The following ST6GAL1 variants were observed in gnomAD, a reference collection of about 807,000 sequenced individuals.
ST6GAL1 encodes beta-galactoside alpha-2,6-sialyltransferase 1.
ST6GAL1 carries 20 observed loss-of-function variants against 38.0 expected under a neutral mutation model. The observed-to-expected ratio is 0.53, with a 90% CI of 0.37 to 0.77. The LOEUF (loss-of-function observed/expected upper bound fraction) is 0.77. Ranked by LOEUF, ST6GAL1 falls within the 30% of genes least tolerant of loss-of-function variation. ST6GAL1 has a pLI of 0.00. For missense variants in ST6GAL1, 432 were observed against 496.4 expected (o/e 0.87, Z 1.23); for synonymous variants, 196 against 188.2 (o/e 1.04, Z -0.34).
chr3:187,005,800 A>G (rs1293804000), intron 2 of ST6GAL1, among the ~76,000 whole-genome samples: 1 of 152,156 alleles, frequency 6.6e-6, no homozygotes, highest in Non-Finnish European at 1.5e-5. Flanking sequence ...AAAATAATTG[A>G]TTACTGTCAA....
In ST6GAL1 at chr3:186,981,888, C is replaced by G. The variant is rs529586172; in HGVS notation, c.-183+17962C>G. ...CTTGAATACCTCCTTTACTAAGACCCATGATTATCTGGGAGTTAGAATCCA... is the reference window on the plus strand; with the variant it reads ...CTTGAATACCTCCTTTACTAAGACCGATGATTATCTGGGAGTTAGAATCCA... On this transcript the variant is annotated intron_variant, in intron 2 of 7. Coordinates refer to ENST00000169298, the MANE Select transcript of ST6GAL1 (RefSeq NM_173216.2). Among the ~76,000 whole-genome samples the G allele has an allele frequency of 3.3e-4, 50 of 152,308 alleles. No individual in the cohort carries two copies. In the South Asian group the frequency reaches 0.01, roughly 32 times the overall value.
In ST6GAL1 at chr3:187,077,124, T is replaced by G; in HGVS notation, c.*1321T>G. On this transcript the variant is annotated 3_prime_UTR_variant, in exon 8 of 8. Transcript: ENST00000169298. ...CTCTCAGAGGTCAGAACCTTGGAGATCAGAACTGATTCTCACCAGGTGTGA... is the reference window on the plus strand; with the variant it reads ...CTCTCAGAGGTCAGAACCTTGGAGAGCAGAACTGATTCTCACCAGGTGTGA... 2 of 397,826 alleles carry G rather than the reference T, an allele frequency of 5.0e-6. No individual in the cohort carries two copies. The highest frequency in any genetic ancestry group is 8.9e-6 in the Non-Finnish European group (2 of 225,874). The allele number at this position is 397,826 out of a possible 1,614,324, so 24.6% of individuals were successfully genotyped here.
At chr3:186,968,198 A>G (rs1715217152) in intron 2 of ST6GAL1, among the ~76,000 whole-genome samples, 4 of 152,194 alleles carry the variant, frequency 2.6e-5, no homozygotes. Context: ...ACCTGACCAT[A>G]GCTGCATGAC....
At chr3:186,944,185 G>A (rs1050250162) in intron 1 of ST6GAL1, among the ~76,000 whole-genome samples, 12 of 152,120 alleles carry the variant, frequency 7.9e-5, no homozygotes, top group East Asian at 1.9e-4. Flanking sequence ...GATTCATCTC[G>A]TTTCTCAAAA....
intron 2 of ST6GAL1, among the ~76,000 whole-genome samples, chr3:187,035,669 C>G (rs1717905633): frequency 6.6e-6 from 1 of 152,104 alleles, no homozygotes; most frequent in Non-Finnish European, 1.5e-5. Context: ...ACTCCCTATT[C>G]AATAAATGAT....
chr3:186,967,478 G>A (rs770742036), intron 2 of ST6GAL1, among the ~76,000 whole-genome samples: 4 of 152,204 alleles, frequency 2.6e-5, no homozygotes, highest in Non-Finnish European at 5.9e-5. Context: ...AAGTGTGAGC[G>A]ACTGCGCCTG....
chr3:186,952,875 A>G lies in ST6GAL1; in HGVS notation c.-324-10910A>G, dbSNP rs1311239829. On this transcript the variant is annotated intron_variant, in intron 1 of 7. Transcript: ENST00000169298. This position sits in a 1 kb window ranked among gnomAD's most constrained non-coding sequence, Gnocchi z 4.1. The stretch of plus-strand genomic sequence containing the variant: ...ATCGAACTGCTGCTTTTCTCCCTAA[A>G]AGAGCCATCCTCATTTCAGTGGACA... Among the ~76,000 whole-genome samples the G allele has an allele frequency of 2.0e-5, 3 of 152,154 alleles. No homozygotes were observed. The highest frequency in any genetic ancestry group is 7.2e-5 in the African/African-American group (3 of 41,434).
At chr3:187,018,522 G>A (rs1047016775) in intron 2 of ST6GAL1, among the ~76,000 whole-genome samples, 1 of 152,170 alleles carries the variant, frequency 6.6e-6, no homozygotes, top group Admixed American at 6.5e-5. Context: ...GGAGTCTGAT[G>A]TTCGAGGGCA....
chr3:186,971,220 CTGGGATTACAGG>C (rs149484270), intron 2 of ST6GAL1, among the ~76,000 whole-genome samples: 2,177 of 152,344 alleles, frequency 0.014, 48 homozygotes, highest in African/African-American at 0.05. Context: ...TCCTGAGTAG[CTGGGATTACAGG>C]TGTGCGCCAC....
chr3:186,959,234 T>C (rs957628242), intron 1 of ST6GAL1, among the ~76,000 whole-genome samples: 4 of 152,294 alleles, frequency 2.6e-5, no homozygotes, highest in Admixed American at 2.6e-4. Context: ...AGCTCACCCA[T>C]GTACTCAGTG....
intron 1 of ST6GAL1, among the ~76,000 whole-genome samples, chr3:186,935,592 T>A (rs3954167): frequency 6.6e-6 from 1 of 152,148 alleles, no homozygotes; most frequent in African/African-American, 2.4e-5. Context: ...CTTTCTACAA[T>A]GGTTGAACTA....
At chr3:187,071,531 C>G (rs943664943) in intron 5 of ST6GAL1, among the ~76,000 whole-genome samples, 3 of 151,806 alleles carry the variant, frequency 2.0e-5, no homozygotes, top group African/African-American at 7.3e-5. Flanking sequence ...GGGCGGATCA[C>G]GAGGTCAGGA....
intron 2 of ST6GAL1, among the ~76,000 whole-genome samples, chr3:187,013,137 ACT>A (rs1246258627): frequency 2.0e-5 from 3 of 152,334 alleles, no homozygotes; most frequent in Admixed American, 6.5e-5. Flanking sequence ...TTTCTTGAAC[ACT>A]GTTTCTTTTT....
chr3:187,041,075 T>C (rs747868918), intron 3 of ST6GAL1, among the ~76,000 whole-genome samples: 82 of 151,426 alleles, frequency 5.4e-4, no homozygotes, highest in Admixed American at 1.9e-3. Flanking sequence ...GCTGCTGCTC[T>C]CCTGTCTCTG....
chr3:186,977,005 G>C (rs1715542075), intron 2 of ST6GAL1, among the ~76,000 whole-genome samples: 1 of 152,200 alleles, frequency 6.6e-6, no homozygotes, highest in South Asian at 2.1e-4. Context: ...CTTGCCAGAG[G>C]AGATCGGCTT....
intron 2 of ST6GAL1, among the ~76,000 whole-genome samples, chr3:187,032,160 A>G (rs1329367672): frequency 2.0e-5 from 3 of 152,160 alleles, no homozygotes; most frequent in African/African-American, 4.8e-5. Context: ...TTTTGTTTCA[A>G]TTGGTTGATT....
chr3:186,984,725 CCCTT>C (rs1246224765), intron 2 of ST6GAL1, among the ~76,000 whole-genome samples: 47 of 136,906 alleles, frequency 3.4e-4, no homozygotes, highest in African/African-American at 1.2e-3. Flanking sequence ...TTCCCTTCCT[CCCTT>C]CCTTCCTTCC....
At chr3:186,933,486 G>A (rs1713833580) in intron 1 of ST6GAL1, among the ~76,000 whole-genome samples, 1 of 152,202 alleles carries the variant, frequency 6.6e-6, no homozygotes, top group South Asian at 2.1e-4. Context: ...AGTGAGCTGG[G>A]ACACACCTGC....
chr3:186,951,401 C>T lies in ST6GAL1; in HGVS notation c.-324-12384C>T, dbSNP rs142784365. ...CTTAAGGGGACATTGGTGTTGTAGGCCATGTCGCTTCATTTTGTTGGTCCA... is the reference window on the plus strand; with the variant it reads ...CTTAAGGGGACATTGGTGTTGTAGGTCATGTCGCTTCATTTTGTTGGTCCA... On this transcript the variant is annotated intron_variant, in intron 1 of 7. Transcript: ENST00000169298. Among the ~76,000 whole-genome samples the T allele has an allele frequency of 7.2e-3, 1,093 of 152,250 alleles. 8 individuals are homozygous for T. Among genetic ancestry groups the T allele is most frequent in the African/African-American group, 0.024 (979 of 41,548 alleles).
Sources: gnomAD v4.1 joint callset for allele counts (sites outside exome capture counted in the v4.1 genomes callset) on GRCh38, gnomAD v4.1.1 for gene constraint, Gnocchi (gnomAD v3.1) non-coding constraint, MANE v1.5 for transcripts, NCBI Gene and HGNC (gene_info 2026-07-23, HGNC 2026-07-21) for gene names.